DHRS3: variants seen among roughly 807,000 people sequenced by gnomAD.
DHRS3 encodes dehydrogenase/reductase 3.
Under a neutral mutation model 27.2 loss-of-function variants are expected in DHRS3, and 14 were observed. That is an observed-to-expected ratio of 0.52 (90% CI 0.34 to 0.81). DHRS3 has a LOEUF of 0.81. Ranked by LOEUF, DHRS3 falls within the 30% of genes least tolerant of loss-of-function variation. DHRS3 has a pLI of 0.01. For synonymous variants in DHRS3, 165 were observed against 175.9 expected (o/e 0.94, Z 0.49); for missense variants, 322 against 406.2 (o/e 0.79, Z 1.78).
At chr1:12,584,356 C>T (rs2100673030) in intron 1 of DHRS3, among the ~76,000 whole-genome samples, 1 of 152,064 alleles carries the variant, frequency 6.6e-6, no homozygotes, top group South Asian at 2.1e-4. Context: ...GGCCAGGAAG[C>T]CCCCCAGGCA....
chr1:12,568,155 G>T lies in DHRS3; in HGVS notation c.*185C>A. 1 of 575,024 alleles carries T rather than the reference G, an allele frequency of 1.7e-6. No homozygotes were observed. The highest frequency in any genetic ancestry group is 3.1e-6 in the Non-Finnish European group (1 of 318,558). The allele number at this position is 575,024 out of a possible 1,614,324, so 35.6% of individuals were successfully genotyped here. A position where few individuals can be genotyped will look rare whatever the true frequency, so the allele number is the denominator to read the frequency against. On this transcript the variant is annotated 3_prime_UTR_variant, in exon 6 of 6. Coordinates refer to ENST00000616661, the MANE Select transcript of DHRS3 (RefSeq NM_004753.7). ...TTTTCCTGCCTCCCTGTGGGGGTCA[G>T]TTATACCCATCAGTCCTGTGCAAAG...
At chr1:12,579,158 C>T (rs766442790) in intron 3 of DHRS3, 135 bp downstream of exon 3, 10 of 1,466,844 alleles carry the variant, frequency 6.8e-6, no homozygotes, top group South Asian at 1.2e-5. Context: ...GCTGGTCATT[C>T]GTCTTGTCTG....
intron 1 of DHRS3, among the ~76,000 whole-genome samples, chr1:12,614,886 CCT>C (rs1169308615): frequency 2.0e-5 from 3 of 152,242 alleles, no homozygotes; most frequent in South Asian, 2.1e-4. Context: ...ACAGCCGCCC[CCT>C]GTCTAGTATC....
In DHRS3 at chr1:12,617,291, C is replaced by T. The variant is rs1486408261; in HGVS notation, c.58G>A (p.Val20Met). The change falls in exon 1 of 6, where the codon GTG becomes ATG. Residue 20 changes from valine (V) to methionine (M), a missense_variant. Val to Met is a conservative substitution (Grantham distance 21). Coordinates refer to ENST00000616661, the MANE Select transcript of DHRS3 (RefSeq NM_004753.7). The stretch of plus-strand genomic sequence containing the variant: ...ACCAGTCCGACGGCTGCTTTCACCA[C>T]CAGATAGATCATCTGTAGAGGGAAC... Reference protein sequence around the residue: ...VMFPLQMIYLVVKAAVGLVLP... With the variant: ...VMFPLQMIYLMVKAAVGLVLP... 3 of 1,613,772 alleles carry T rather than the reference C, an allele frequency of 1.9e-6. No individual in the cohort carries two copies. Among genetic ancestry groups the T allele is most frequent in the Non-Finnish European group, 2.5e-6 (3 of 1,179,946 alleles).
intron 1 of DHRS3, among the ~76,000 whole-genome samples, chr1:12,585,258 AGTGTGTGTCTCTCTGTGTCT>A (rs1436269694): frequency 5.0e-5 from 1 of 20,048 alleles, no homozygotes; most frequent in African/African-American, 2.0e-4. Flanking sequence ...TGTGTCTCTG[AGTGTGTGTCTCTCTGTGTCT>A]GTGTGTGTCT....
At position 12,579,451 on chromosome 1, in the gene DHRS3, C is replaced by G. The variant is rs778064526; in HGVS notation, c.340-39G>C. The G allele has an allele frequency of 3.1e-6, 5 of 1,606,606 alleles. No individual in the cohort carries two copies. In the African/African-American group the frequency reaches 5.4e-5, roughly 17 times the overall value. Reference sequence around the variant, plus strand: ...GGAGCCACGGGGCCATGAGGGCAGCCAGCCCAGGGCCAACGATATATGTTT... The same window carrying G: ...GGAGCCACGGGGCCATGAGGGCAGCGAGCCCAGGGCCAACGATATATGTTT... On this transcript the variant is annotated intron_variant, in intron 2 of 5. Coordinates refer to ENST00000616661, the MANE Select transcript of DHRS3 (RefSeq NM_004753.7).
Position 12,586,942 on chromosome 1 carries a change from G to A in DHRS3, c.196-6276C>T, listed in dbSNP as rs77655589. On this transcript the variant is annotated intron_variant, in intron 1 of 5. Coordinates refer to ENST00000616661, the MANE Select transcript of DHRS3 (RefSeq NM_004753.7). This position sits in a 1 kb window ranked among gnomAD's most constrained non-coding sequence, Gnocchi z 5.0. ...CCCTGTTGGTATTTCCCGTGGGGAG[G>A]AAAAGCTGAGAAAATCATAGCACTG... Among the ~76,000 whole-genome samples the A allele has an allele frequency of 0.011, 1,667 of 152,130 alleles. 12 individuals are homozygous for A. Among genetic ancestry groups the A allele is most frequent in the Non-Finnish European group, 0.016 (1,089 of 67,990 alleles).
At chr1:12,582,209 C>T (rs1646650574) in intron 1 of DHRS3, among the ~76,000 whole-genome samples, 1 of 152,212 alleles carries the variant, frequency 6.6e-6, no homozygotes, top group Non-Finnish European at 1.5e-5. Context: ...TTATCCGCTG[C>T]TCACCTTGAA....
chr1:12,573,191 C>T (rs1646554866), intron 4 of DHRS3, among the ~76,000 whole-genome samples: 1 of 152,220 alleles, frequency 6.6e-6, no homozygotes, highest in South Asian at 2.1e-4. Flanking sequence ...GTCCTTTTCC[C>T]TACACTCTGC....
chr1:12,580,348 T>C (rs1190963738), intron 2 of DHRS3, 175 bp downstream of exon 2: 1 of 776,058 alleles, frequency 1.3e-6, no homozygotes, highest in East Asian at 2.7e-5. Flanking sequence ...TAATCAACCC[T>C]AATCCCTGCC....
At position 12,586,425 on chromosome 1, in the gene DHRS3, T is replaced by C. The variant is rs1250881113; in HGVS notation, c.196-5759A>G. Among the ~76,000 whole-genome samples, 4 of 152,022 alleles carry C rather than the reference T, an allele frequency of 2.6e-5. No homozygotes were observed. Among genetic ancestry groups the C allele is most frequent in the African/African-American group, 9.7e-5 (4 of 41,388 alleles). On this transcript the variant is annotated intron_variant, in intron 1 of 5. Transcript: ENST00000616661. This position sits in a 1 kb window ranked among gnomAD's most constrained non-coding sequence, Gnocchi z 5.0. ...GTTCATCCCCACCCAGCCAGCCTTC[T>C]CCTGCTTCGTCTCCTCCAATGTCCA...
chr1:12,600,823 T>G (rs540868037), intron 1 of DHRS3, among the ~76,000 whole-genome samples: 1 of 152,320 alleles, frequency 6.6e-6, no homozygotes, highest in African/African-American at 2.4e-5. Flanking sequence ...TATCTCTCTA[T>G]CTATCGTCTA....
In DHRS3 at chr1:12,618,070, C is replaced by G. The variant is rs1646957978; in HGVS notation, c.-722G>C. ...TCGCGCGCGCTCGCTCGCTCCGGCTCCCTCCCTCCCTCTCTGTTCCAGCAG... is the reference window on the plus strand; with the variant it reads ...TCGCGCGCGCTCGCTCGCTCCGGCTGCCTCCCTCCCTCTCTGTTCCAGCAG... On this transcript the variant is annotated 5_prime_UTR_variant, in exon 1 of 6. Transcript: ENST00000616661. The surrounding 1 kb of genome is among the most constrained non-coding windows in gnomAD (Gnocchi z 4.2). 6.6e-6 allele frequency among the ~76,000 whole-genome samples: 1 copy of G among 152,184 alleles called. No individual in the cohort carries two copies. The highest frequency in any genetic ancestry group is 2.4e-5 in the African/African-American group (1 of 41,518).
At position 12,580,545 on chromosome 1, in the gene DHRS3, G is replaced by A. The variant is rs140323629; in HGVS notation, c.317C>T (p.Thr106Met). 65 of 1,614,186 alleles carry A rather than the reference G, an allele frequency of 4.0e-5. No individual in the cohort carries two copies. The highest frequency in any genetic ancestry group is 3.6e-4 in the African/African-American group (27 of 75,064). Residue 106 changes from threonine to methionine, a missense_variant, in exon 2 of 6, where the codon ACG (threonine) becomes ATG (methionine). By Grantham distance (81) the Thr-to-Met change is moderately conservative. Transcript: ENST00000616661. ...GACCTTCTCCCGGACGGCCTTGGCC[G>A]TCTGGTACACCTCCTCCCGGTTGCC... ...DVGNREEVYQTAKAVREKVGD... is the reference protein window; with the variant it reads ...DVGNREEVYQMAKAVREKVGD...
chr1:12,613,766 TTTTG>T lies in DHRS3; in HGVS notation c.195+3384_195+3387del, dbSNP rs146636492. Among the ~76,000 whole-genome samples, 69 of 152,144 alleles carry T rather than the reference TTTTG, an allele frequency of 4.5e-4. 1 individual carries two copies. Among genetic ancestry groups the T allele is most frequent in the African/African-American group, 1.3e-3 (53 of 41,504 alleles). ...CCTCTCGGAAGTGGGAATTGAGTTT[TTTTG>T]TTTGTTTGTTTGTTTTTGAGACAGA... On this transcript the variant is annotated intron_variant, in intron 1 of 5. Transcript: ENST00000616661.
intron 1 of DHRS3, among the ~76,000 whole-genome samples, chr1:12,609,899 G>T (rs946290301): frequency 1.3e-5 from 2 of 152,072 alleles, no homozygotes; most frequent in African/African-American, 4.8e-5. Context: ...TCCTCTTCCT[G>T]GAATGCTACT....
intron 1 of DHRS3, among the ~76,000 whole-genome samples, chr1:12,584,293 T>G (rs1027573657): frequency 2.0e-5 from 3 of 152,136 alleles, no homozygotes; most frequent in South Asian, 2.1e-4. Flanking sequence ...GGAGAGGAAG[T>G]GGAGCAGGGC....
At chr1:12,614,216 T>C (rs1454805865) in intron 1 of DHRS3, among the ~76,000 whole-genome samples, 1 of 152,178 alleles carries the variant, frequency 6.6e-6, no homozygotes, top group African/African-American at 2.4e-5. Flanking sequence ...TACTTCTAAA[T>C]GAACGGTCCA....
chr1:12,580,744 G>C (rs1249080167), intron 1 of DHRS3, 78 bp from the exon 2 acceptor site: 49 of 1,517,308 alleles, frequency 3.2e-5, no homozygotes, highest in Non-Finnish European at 4.3e-5. Flanking sequence ...AGAAATTCAG[G>C]ATTTAAAGTC....
Sources: allele counts gnomAD v4.1 joint callset (sites outside exome capture counted in the v4.1 genomes callset), GRCh38; gene constraint gnomAD v4.1.1; non-coding constraint Gnocchi (gnomAD v3.1); transcripts MANE v1.5; gene names NCBI Gene and HGNC (gene_info 2026-07-23, HGNC 2026-07-21).